The following KCNIP4 variants were observed in gnomAD, a reference collection of about 807,000 sequenced individuals.
KCNIP4 encodes the protein Kv channel-interacting protein 4.
In KCNIP4, 12 loss-of-function variants were observed where a neutral mutation model predicts 34.0. The ratio of observed to expected loss-of-function variants is 0.35; its 90% confidence interval spans 0.23 to 0.57. KCNIP4 has a LOEUF of 0.57. KCNIP4 is among the 20% of genes least tolerant of loss of function. The probability of loss-of-function intolerance (pLI) is 0.83; values close to 1 mark genes in which losing one functional copy is unlikely to be tolerated. For synonymous variants in KCNIP4, 124 were observed against 102.2 expected (o/e 1.21, Z -1.29); for missense variants, 238 against 311.7 (o/e 0.76, Z 1.78).
intron 1 of KCNIP4, among the ~76,000 whole-genome samples, chr4:21,478,898 C>G (rs1731206684): frequency 6.6e-6 from 1 of 152,128 alleles, no homozygotes; most frequent in Non-Finnish European, 1.5e-5. Flanking sequence ...GATTTCAGAG[C>G]TAGGTAACTT....
intron 1 of KCNIP4, among the ~76,000 whole-genome samples, chr4:21,745,435 T>C (rs762655717): frequency 1.3e-5 from 2 of 152,190 alleles, no homozygotes. Context: ...ATTTAGACAA[T>C]GAACATTTTC....
intron 4 of KCNIP4, 66 bp from the exon 5 acceptor site, chr4:20,749,798 C>T (rs757747371): frequency 1.8e-5 from 19 of 1,042,850 alleles, no homozygotes; most frequent in South Asian, 4.4e-5. Flanking sequence ...ACTTGGATAG[C>T]AGTCCAAGCT....
intron 1 of KCNIP4, among the ~76,000 whole-genome samples, chr4:21,087,491 T>C (rs1468582824): frequency 1.3e-5 from 2 of 152,086 alleles, no homozygotes; most frequent in Non-Finnish European, 2.9e-5. Flanking sequence ...TTTCATCATG[T>C]TGGCCCAGTT....
At chr4:21,670,664 C>CT (rs200011134) in intron 1 of KCNIP4, among the ~76,000 whole-genome samples, 6 of 151,822 alleles carry the variant, frequency 4.0e-5, no homozygotes, top group African/African-American at 9.7e-5. Flanking sequence ...ATGAGTAAAC[C>CT]TTTTCTTTTG....
chr4:21,596,546 C>T (rs1004633963), intron 1 of KCNIP4, among the ~76,000 whole-genome samples: 1 of 151,968 alleles, frequency 6.6e-6, no homozygotes, highest in African/African-American at 2.4e-5. Context: ...TTTGAAACCC[C>T]CCTCCCTATC....
At chr4:21,783,397 A>G (rs1719696330) in intron 1 of KCNIP4, among the ~76,000 whole-genome samples, 1 of 152,206 alleles carries the variant, frequency 6.6e-6, no homozygotes, top group East Asian at 1.9e-4. Flanking sequence ...AACTCAAAAA[A>G]AAAGTTTTCA....
At position 21,111,630 on chromosome 4, in the gene KCNIP4, A is replaced by G. The variant is rs117396899; in HGVS notation, c.62-228921T>C. On this transcript the variant is annotated intron_variant, in intron 1 of 8. Coordinates refer to ENST00000382152, the MANE Select transcript of KCNIP4 (RefSeq NM_025221.6). ...ACTAGAAAAATTCAGTGATGCCCCA[A>G]AGAGGCTCTAAGGATAGGTTTATTA... Among the ~76,000 whole-genome samples the G allele has an allele frequency of 3.9e-5, 6 of 152,320 alleles. No individual in the cohort carries two copies. In the East Asian group the frequency reaches 1.2e-3, roughly 29 times the overall value.
intron 1 of KCNIP4, among the ~76,000 whole-genome samples, chr4:21,621,465 G>A (rs570832442): frequency 3.3e-5 from 5 of 152,230 alleles, no homozygotes; most frequent in East Asian, 1.9e-4. Flanking sequence ...AGGCTCAAGC[G>A]ATGGATCGTC....
chr4:21,251,392 C>T (rs1560216707), intron 1 of KCNIP4, among the ~76,000 whole-genome samples: 1 of 152,004 alleles, frequency 6.6e-6, no homozygotes. Context: ...TTAAAAAATG[C>T]ACACAGCAAT....
Position 21,795,223 on chromosome 4 carries a change from G to A in KCNIP4, c.61+153348C>T, listed in dbSNP as rs146251777. ...TTAGGACATGTAAGTAGACATCCGG[G>A]AAGCGTGCACACAGAAGAAAGGCAG... is the stretch of plus-strand genomic sequence containing the variant. On this transcript the variant is annotated intron_variant, in intron 1 of 8. Transcript: ENST00000382152. Among the ~76,000 whole-genome samples, 488 of 152,274 alleles carry A rather than the reference G, an allele frequency of 3.2e-3. 2 individuals carry two copies. Among genetic ancestry groups the A allele is most frequent in the African/African-American group, 0.011 (458 of 41,552 alleles).
At chr4:21,153,983 A>G (rs1417644207) in intron 1 of KCNIP4, among the ~76,000 whole-genome samples, 2 of 140,154 alleles carry the variant, frequency 1.4e-5, no homozygotes, top group Non-Finnish European at 3.0e-5. Context: ...GTTAGTAGTT[A>G]AAAAAAAAAT....
intron 1 of KCNIP4, among the ~76,000 whole-genome samples, chr4:21,733,164 T>C (rs879714386): frequency 7.2e-5 from 11 of 152,184 alleles, no homozygotes; most frequent in Non-Finnish European, 1.6e-4. Flanking sequence ...TCATTTTTTA[T>C]GCGCCAATCC....
chr4:21,282,459 AGTGTGTGTGTGTGT>A (rs34143880), intron 1 of KCNIP4, among the ~76,000 whole-genome samples: 35 of 146,850 alleles, frequency 2.4e-4, no homozygotes, highest in Non-Finnish European at 1.4e-4. Flanking sequence ...AAGATGTGTG[AGTGTGTGTGTGTGT>A]GTGTGTGTGT....
intron 1 of KCNIP4, among the ~76,000 whole-genome samples, chr4:21,811,839 G>A (rs1181811515): frequency 1.3e-5 from 2 of 152,212 alleles, no homozygotes; most frequent in African/African-American, 4.8e-5. Context: ...TGCAAAATGT[G>A]TCTCAACCAA....
chr4:21,932,127 G>C (rs962703696), intron 1 of KCNIP4, among the ~76,000 whole-genome samples: 2 of 152,030 alleles, frequency 1.3e-5, no homozygotes, highest in African/African-American at 4.8e-5. Context: ...ATGTTAGTGT[G>C]GTAACCTATA....
intron 1 of KCNIP4, among the ~76,000 whole-genome samples, chr4:21,759,012 T>C (rs901314031): frequency 4.6e-5 from 7 of 152,168 alleles, no homozygotes; most frequent in African/African-American, 1.2e-4. Flanking sequence ...GAATGGGTTC[T>C]GGCAAAGAGC....
At chr4:21,222,448 T>TC (rs551340290) in intron 1 of KCNIP4, among the ~76,000 whole-genome samples, 234 of 152,196 alleles carry the variant, frequency 1.5e-3, no homozygotes, top group African/African-American at 5.3e-3. Flanking sequence ...AGCACATACC[T>TC]CACCCTATTT....
In KCNIP4 at chr4:21,519,453, T is replaced by TAC. The variant is rs763019541; in HGVS notation, c.61+429116_61+429117dup. 1.1e-4 allele frequency among the ~76,000 whole-genome samples: 11 copies of TAC among 98,268 alleles called. 1 individual carries two copies. Among genetic ancestry groups the TAC allele is most frequent in the African/African-American group, 3.1e-4 (7 of 22,402 alleles). 64.5% of individuals were successfully genotyped at this position (98,268 alleles called of 152,430 possible). A position where few individuals can be genotyped will look rare whatever the true frequency, so the allele number is the denominator to read the frequency against. On this transcript the variant is annotated intron_variant, in intron 1 of 8. Coordinates refer to ENST00000382152, the MANE Select transcript of KCNIP4 (RefSeq NM_025221.6). ...ATATGTGTGTATATGTATGTGTATA[T>TAC]ACACATATGTGTGTATGTGTATGTG...
chr4:21,583,773 C>T (rs1741411386), intron 1 of KCNIP4, among the ~76,000 whole-genome samples: 1 of 151,942 alleles, frequency 6.6e-6, no homozygotes, highest in African/African-American at 2.4e-5. Flanking sequence ...GATGATTTTA[C>T]ATGATAAACT....
Sources: allele counts gnomAD v4.1 joint callset (sites outside exome capture counted in the v4.1 genomes callset), GRCh38; gene constraint gnomAD v4.1.1; transcripts MANE v1.5; gene names NCBI Gene and HGNC (gene_info 2026-07-23, HGNC 2026-07-21).